The following CPNE4 variants were observed in gnomAD, a reference collection of about 807,000 sequenced individuals.
CPNE4 encodes copine-4.
In CPNE4, 25 loss-of-function variants were observed where a neutral mutation model predicts 67.9. That is an observed-to-expected ratio of 0.37 (90% confidence interval 0.27 to 0.51). CPNE4 has a LOEUF of 0.51. CPNE4 is among the 20% of genes least tolerant of loss of function. The probability of loss-of-function intolerance (pLI) is 0.93; values close to 1 mark genes in which losing one functional copy is unlikely to be tolerated. For synonymous variants in CPNE4, 242 were observed against 244.9 expected, an observed-to-expected ratio of 0.99 and a Z score of 0.11; for missense variants, 464 against 690.8, an observed-to-expected ratio of 0.67 and a Z score of 3.68.
intron 2 of CPNE4, among the ~76,000 whole-genome samples, chr3:131,863,607 C>T (rs1483662774): frequency 6.6e-6 from 1 of 151,886 alleles, no homozygotes; most frequent in African/African-American, 2.4e-5. Context: ...GGATATTAGC[C>T]CTTTGTCAGA....
In CPNE4 at chr3:131,552,558, G is replaced by T. The variant is rs1693532239; in HGVS notation, c.1117-67C>A. ...ATTACAACTTTAATCCAGTAAGAAG[G>T]CACTGGGGTTTAGAGTTTGCAAACA... On this transcript the variant is annotated intron_variant, in intron 12 of 15. Coordinates refer to ENST00000429747, the MANE Select transcript of CPNE4 (RefSeq NM_130808.3). The T allele has an allele frequency of 6.8e-6, 9 of 1,328,182 alleles. No homozygotes were observed. The South Asian group carries it at 9.5e-5, about 14-fold the overall frequency. The allele number at this position is 1,328,182 out of a possible 1,614,324, so 82.3% of individuals were successfully genotyped here.
chr3:131,916,946 G>A (rs2089203278), intron 1 of CPNE4, among the ~76,000 whole-genome samples: 1 of 152,108 alleles, frequency 6.6e-6, no homozygotes, highest in African/African-American at 2.4e-5. Flanking sequence ...CTATTTGGTG[G>A]AGACTGGATG....
chr3:131,982,552 G>A (rs1437927766), intron 1 of CPNE4, among the ~76,000 whole-genome samples: 1 of 152,058 alleles, frequency 6.6e-6, no homozygotes, highest in Non-Finnish European at 1.5e-5. Flanking sequence ...CCCTTTACCA[G>A]GATTAGTGTT....
chr3:131,624,317 A>C (rs1164095255), intron 7 of CPNE4, among the ~76,000 whole-genome samples: 1 of 152,152 alleles, frequency 6.6e-6, no homozygotes, highest in East Asian at 1.9e-4. Flanking sequence ...ACCATAAGAT[A>C]CATATTTTCC....
chr3:132,031,026 A>G (rs2074224123), intron 1 of CPNE4, among the ~76,000 whole-genome samples: 1 of 152,190 alleles, frequency 6.6e-6, no homozygotes, highest in African/African-American at 2.4e-5. Flanking sequence ...CCCAACCTAA[A>G]TTATTATCAT....
intron 7 of CPNE4, among the ~76,000 whole-genome samples, chr3:131,639,266 G>A (rs772257026): frequency 3.3e-5 from 5 of 151,854 alleles, no homozygotes; most frequent in Admixed American, 2.6e-4. Context: ...GACCATTAGC[G>A]AGATTAACCA....
intron 2 of CPNE4, among the ~76,000 whole-genome samples, chr3:131,869,961 A>T (rs889026418): frequency 1.3e-5 from 2 of 152,224 alleles, no homozygotes; most frequent in African/African-American, 4.8e-5. Context: ...GCCATTGTCT[A>T]CAACATGAGA....
At chr3:131,625,525 T>C (rs146095253) in intron 7 of CPNE4, among the ~76,000 whole-genome samples, 1 of 152,074 alleles carries the variant, frequency 6.6e-6, no homozygotes, top group South Asian at 2.1e-4. Flanking sequence ...AACGGGACAG[T>C]AAGAAAATGT....
rs566582701 is a variant in CPNE4 at position 131,609,411 on chromosome 3, A to C, written c.682-21829T>G. On this transcript the variant is annotated intron_variant, in intron 7 of 15. Transcript: ENST00000429747. ...TGTGATGTGTTTCACCTCTGGACTA[A>C]AGTAGTTAGGAATGAGGTGTGCTCT... Among the ~76,000 whole-genome samples, 3 of 152,258 alleles carry C rather than the reference A, an allele frequency of 2.0e-5. No homozygotes were observed. The East Asian group carries it at 5.8e-4, about 29-fold the overall frequency.
chr3:131,976,026 T>G (rs1034282076), intron 1 of CPNE4, among the ~76,000 whole-genome samples: 1 of 150,272 alleles, frequency 6.7e-6, no homozygotes, highest in Non-Finnish European at 1.5e-5. Context: ...ATGCTGATAT[T>G]TAAAAAAAAA....
intron 1 of CPNE4, among the ~76,000 whole-genome samples, chr3:131,975,956 G>A (rs2072640157): frequency 6.6e-6 from 1 of 151,840 alleles, no homozygotes. Context: ...ATACGGTGCG[G>A]TAAAATAGAT....
At chr3:131,755,496 T>C (rs1348690574) in intron 2 of CPNE4, among the ~76,000 whole-genome samples, 1 of 152,188 alleles carries the variant, frequency 6.6e-6, no homozygotes, top group African/African-American at 2.4e-5. Flanking sequence ...AAGAAACTAA[T>C]TGATATTTTA....
chr3:131,790,207 T>C (rs2083680049), intron 2 of CPNE4, among the ~76,000 whole-genome samples: 1 of 152,164 alleles, frequency 6.6e-6, no homozygotes, highest in African/African-American at 2.4e-5. Flanking sequence ...GATATGGGAC[T>C]TATATACTTC....
At chr3:131,844,294 TC>T (rs906660501) in intron 2 of CPNE4, among the ~76,000 whole-genome samples, 3 of 149,328 alleles carry the variant, frequency 2.0e-5, no homozygotes, top group Non-Finnish European at 4.4e-5. Context: ...GGAGTCTCGC[TC>T]CGTCACCCAG....
intron 7 of CPNE4, among the ~76,000 whole-genome samples, chr3:131,669,354 G>T (rs1369801641): frequency 6.6e-6 from 1 of 152,176 alleles, no homozygotes; most frequent in East Asian, 1.9e-4. Context: ...TTATATAACA[G>T]TAGATAATTG....
intron 7 of CPNE4, among the ~76,000 whole-genome samples, chr3:131,594,847 A>C (rs1938749607): frequency 6.6e-6 from 1 of 152,196 alleles, no homozygotes; most frequent in African/African-American, 2.4e-5. Flanking sequence ...CTACAACTTA[A>C]CTTAATAGCA....
At chr3:131,776,404 A>C (rs966664401) in intron 2 of CPNE4, among the ~76,000 whole-genome samples, 4 of 152,144 alleles carry the variant, frequency 2.6e-5, no homozygotes, top group African/African-American at 9.7e-5. Context: ...TGTCTGAGGA[A>C]CTTCCAACAC....
intron 2 of CPNE4, among the ~76,000 whole-genome samples, chr3:131,839,612 A>G (rs1245840097): frequency 6.6e-6 from 1 of 152,046 alleles, no homozygotes; most frequent in Non-Finnish European, 1.5e-5. Flanking sequence ...TATATAGTAC[A>G]ATATTGATAG....
chr3:131,934,387 C>T (rs572736725), intron 1 of CPNE4, among the ~76,000 whole-genome samples: 25 of 152,066 alleles, frequency 1.6e-4, no homozygotes, highest in Non-Finnish European at 3.5e-4. Context: ...TAAAATGTCA[C>T]TAAAAGGTGC....
Sources: allele counts gnomAD v4.1 joint callset (sites outside exome capture counted in the v4.1 genomes callset), GRCh38; gene constraint gnomAD v4.1.1; transcripts MANE v1.5; gene names NCBI Gene and HGNC (gene_info 2026-07-23, HGNC 2026-07-21).